TBC1D5: variants seen among roughly 807,000 people sequenced by gnomAD.
TBC1D5 encodes the protein TBC1 domain family member 5.
TBC1D5 carries 75 observed loss-of-function variants against 100.3 expected under a neutral mutation model. The ratio of observed to expected loss-of-function variants is 0.75; its 90% CI spans 0.62 to 0.91. TBC1D5 has a LOEUF of 0.91. TBC1D5 is among the 40% of genes least tolerant of loss of function. The pLI is 0.00. For synonymous variants in TBC1D5, 323 were observed against 325.6 expected, an observed-to-expected ratio of 0.99 and a Z score of 0.09; for missense variants, 910 against 942.4, an observed-to-expected ratio of 0.97 and a Z score of 0.45.
chr3:17,698,343 G>C (rs896531674), intron 1 of TBC1D5, among the ~76,000 whole-genome samples: 2 of 151,776 alleles, frequency 1.3e-5, no homozygotes, highest in African/African-American at 4.8e-5. Context: ...TAGCCATATG[G>C]AGAAAGCTGA....
At chr3:17,176,143 A>C (rs2067699750) in intron 19 of TBC1D5, among the ~76,000 whole-genome samples, 1 of 152,202 alleles carries the variant, frequency 6.6e-6, no homozygotes. Flanking sequence ...CTAGCTGTGT[A>C]ACCTCCCACC....
chr3:17,248,211 C>T (rs1176220421), intron 16 of TBC1D5, among the ~76,000 whole-genome samples: 3 of 152,074 alleles, frequency 2.0e-5, no homozygotes, highest in African/African-American at 7.2e-5. Flanking sequence ...AGGCTGGTCT[C>T]GAACTCCTGA....
chr3:17,287,373 T>C (rs2081282823), intron 15 of TBC1D5, among the ~76,000 whole-genome samples: 1 of 152,150 alleles, frequency 6.6e-6, no homozygotes, highest in South Asian at 2.1e-4. Flanking sequence ...CACATGCATA[T>C]ATACAAGGTG....
intron 2 of TBC1D5, among the ~76,000 whole-genome samples, chr3:17,554,503 C>G (rs2096498815): frequency 6.6e-6 from 1 of 152,148 alleles, no homozygotes; most frequent in African/African-American, 2.4e-5. Flanking sequence ...TTAGTTTGAT[C>G]ATACTCTGGT....
intron 1 of TBC1D5, among the ~76,000 whole-genome samples, chr3:17,697,119 C>T (rs955294862): frequency 5.3e-5 from 8 of 152,148 alleles, no homozygotes; most frequent in African/African-American, 1.9e-4. Context: ...ATACTAAGAG[C>T]TATTTATGAC....
intron 2 of TBC1D5, among the ~76,000 whole-genome samples, chr3:17,597,356 C>T (rs1220966472): frequency 6.6e-6 from 1 of 152,124 alleles, no homozygotes; most frequent in Non-Finnish European, 1.5e-5. Flanking sequence ...CCTGTCTCCT[C>T]CCCCAGAAAA....
rs149512194 is a variant in TBC1D5, at chr3:17,573,184, C to T, written c.-36+50665G>A. ...TATTCTCTTGTAGGGATGGCATTAT[C>T]AACCAACCTCTCCCGCAGGTCAAAT... On this transcript the variant is annotated intron_variant, in intron 2 of 21. Transcript: ENST00000253692. 1.8e-4 allele frequency among the ~76,000 whole-genome samples: 28 copies of T among 152,114 alleles called. No individual in the cohort carries two copies. The East Asian group carries it at 3.5e-3, about 19-fold the overall frequency.
chr3:17,712,713 G>A (rs1271492771), intron 1 of TBC1D5, among the ~76,000 whole-genome samples: 1 of 152,140 alleles, frequency 6.6e-6, no homozygotes, highest in East Asian at 1.9e-4. Context: ...AGCTGAGCAG[G>A]CAACCAAGAA....
chr3:17,458,974 G>A (rs1187042244), intron 3 of TBC1D5, among the ~76,000 whole-genome samples: 2 of 151,994 alleles, frequency 1.3e-5, no homozygotes, highest in Non-Finnish European at 2.9e-5. Flanking sequence ...CAAAACCCCC[G>A]ACAAAGACAA....
intron 16 of TBC1D5, 99 bp downstream of exon 16, chr3:17,258,406 TA>T: frequency 8.3e-7 from 1 of 1,198,438 alleles, no homozygotes; most frequent in Non-Finnish European, 1.2e-6. Context: ...GTACATATGC[TA>T]AAATCTGGAA....
At chr3:17,713,244 C>CT (rs770932378) in intron 1 of TBC1D5, among the ~76,000 whole-genome samples, 4,530 of 139,754 alleles carry the variant, frequency 0.032, 88 homozygotes, top group Middle Eastern at 0.053. Flanking sequence ...CTTTTCTTTT[C>CT]TTTTTTTTTT....
At chr3:17,379,772 T>G (rs889969471) in intron 9 of TBC1D5, among the ~76,000 whole-genome samples, 9 of 152,036 alleles carry the variant, frequency 5.9e-5, no homozygotes, top group Non-Finnish European at 2.9e-5. Context: ...AAAATTATGA[T>G]TTAAATTAAA....
exon 18 of TBC1D5, chr3:17,214,276 T>C (rs116772060): frequency 0.025 from 40,516 of 1,613,578 alleles, 876 homozygotes; most frequent in Middle Eastern, 0.033. Flanking sequence ...AGGAATCTTT[T>C]TTAGTAGCAG....
At chr3:17,334,715 A>G (rs73145825) in intron 13 of TBC1D5, among the ~76,000 whole-genome samples, 9,227 of 152,210 alleles carry the variant, frequency 0.061, 544 homozygotes, top group African/African-American at 0.15. Context: ...CTTTCACTTC[A>G]AGACCTAGTT....
chr3:17,404,796 C>T, intron 6 of TBC1D5, 28 bp from the exon 7 acceptor site: 1 of 1,596,240 alleles, frequency 6.3e-7, no homozygotes, highest in Admixed American at 1.8e-5. Context: ...AACACACACA[C>T]AAGGATCAGA....
At chr3:17,313,159 A>C (rs2084248243) in intron 13 of TBC1D5, among the ~76,000 whole-genome samples, 1 of 152,168 alleles carries the variant, frequency 6.6e-6, no homozygotes, top group African/African-American at 2.4e-5. Context: ...AGCAGTTGGA[A>C]TCTTAGCCCT....
chr3:17,232,160 C>T (rs200873579), intron 17 of TBC1D5, among the ~76,000 whole-genome samples: 3 of 152,104 alleles, frequency 2.0e-5, no homozygotes, highest in South Asian at 2.1e-4. Context: ...TAAACAGTTA[C>T]GTTACTCCTG....
At chr3:17,216,368 C>A (rs2073634287) in intron 17 of TBC1D5, among the ~76,000 whole-genome samples, 1 of 152,058 alleles carries the variant, frequency 6.6e-6, no homozygotes, top group Non-Finnish European at 1.5e-5. Context: ...CCCCTTTGAA[C>A]TGGCAGAGAC....
intron 4 of TBC1D5, among the ~76,000 whole-genome samples, chr3:17,414,789 C>T (rs543862097): frequency 3.3e-5 from 5 of 152,052 alleles, no homozygotes; most frequent in South Asian, 2.1e-4. Flanking sequence ...TCCTGTACCA[C>T]GAATTTTCTA....
Sources: allele counts gnomAD v4.1 joint callset (sites outside exome capture counted in the v4.1 genomes callset), GRCh38; gene constraint gnomAD v4.1.1; transcripts MANE v1.5; gene names NCBI Gene and HGNC (gene_info 2026-07-23, HGNC 2026-07-21).